Variants in TNFRSF10B observed in about 807,000 individuals in gnomAD.
TNFRSF10B encodes the protein TNF receptor superfamily member 10b, also known as tumor necrosis factor receptor superfamily member 10B.
In TNFRSF10B, 35 loss-of-function variants were observed where a neutral mutation model predicts 41.4. The ratio of observed to expected loss-of-function variants is 0.85; its 90% CI spans 0.65 to 1.12. The LOEUF is 1.12. Ranked by LOEUF, TNFRSF10B falls within the 50% of genes most tolerant of loss-of-function variation. The pLI, the probability that TNFRSF10B is intolerant of heterozygous loss-of-function variation, is 0.00. For missense variants in TNFRSF10B, 584 were observed against 552.7 expected (o/e 1.06, Z -0.57); for synonymous variants, 230 against 215.5 (o/e 1.07, Z -0.59).
Position 23,028,226 on chromosome 8 carries a change from G to A in TNFRSF10B, c.748+105C>T, listed in dbSNP as rs111540075. 440 of 1,512,048 alleles carry A rather than the reference G, an allele frequency of 2.9e-4. 3 individuals are homozygous for A. The African/African-American group carries it at 5.0e-3, about 17-fold the overall frequency. 93.7% of individuals were successfully genotyped at this position (1,512,048 alleles called of 1,614,324 possible). The stretch of plus-strand genomic sequence containing the variant: ...AGGAGGAGGATAGAGCCAGGCTGGA[G>A]GCACTTAGACTTGGGGCAGGGGCAG... On this transcript the variant is annotated intron_variant, in intron 5 of 8. Coordinates refer to ENST00000276431, the MANE Select transcript of TNFRSF10B (RefSeq NM_003842.5).
At position 23,068,882 on chromosome 8, in the gene TNFRSF10B, C is replaced by T; in HGVS notation, c.13G>A (p.Gly5Arg). 6.2e-7 allele frequency: 1 copy of T among 1,613,548 alleles called. No homozygotes were observed. The highest frequency in any genetic ancestry group is 8.5e-7 in the Non-Finnish European group (1 of 1,179,960). The change falls in exon 1 of 9, where the codon GGA becomes AGA. Residue 5 changes from glycine to arginine, a missense_variant. Gly to Arg is a moderately radical substitution (Grantham distance 125). Coordinates refer to ENST00000276431, the MANE Select transcript of TNFRSF10B (RefSeq NM_003842.5). ...CCCGAAGCGGCCGGGGCGTTCTGTCCCCGTTGTTCCATGGCGGTAGGGAAC... is the reference window on the plus strand; with the variant it reads ...CCCGAAGCGGCCGGGGCGTTCTGTCTCCGTTGTTCCATGGCGGTAGGGAAC... MEQRGQNAPAASGAR... is the reference protein window; with the variant it reads MEQRRQNAPAASGAR...
intron 2 of TNFRSF10B, among the ~76,000 whole-genome samples, chr8:23,034,432 CA>C (rs1225626961): frequency 4.0e-4 from 61 of 152,266 alleles, no homozygotes; most frequent in African/African-American, 1.3e-3. Context: ...AATAGTAAAT[CA>C]AAAGCAATAC....
intron 1 of TNFRSF10B, among the ~76,000 whole-genome samples, chr8:23,058,521 T>C (rs1037642324): frequency 1.3e-5 from 2 of 152,150 alleles, no homozygotes; most frequent in Non-Finnish European, 2.9e-5. Flanking sequence ...TTTTCACTCT[T>C]GTTGCCCAGG....
At chr8:23,027,940 G>A (rs1375289287) in intron 5 of TNFRSF10B, 187 bp from the exon 6 acceptor site, 3 of 673,126 alleles carry the variant, frequency 4.5e-6, no homozygotes, top group Non-Finnish European at 7.6e-6. Context: ...AGGGGAACTA[G>A]AGTAAAAACA....
Position 23,021,354 on chromosome 8 carries a change from G to A in TNFRSF10B, c.*1317C>T. On this transcript the variant is annotated 3_prime_UTR_variant, in exon 9 of 9. Coordinates refer to ENST00000276431, the MANE Select transcript of TNFRSF10B (RefSeq NM_003842.5). ...ATCTGTACCCTAAAAGGCAGCTCAT[G>A]GGCTCAGGGTGACAGATAACCAGAA... 1 of 454,106 alleles carries A rather than the reference G, an allele frequency of 2.2e-6. No homozygotes were observed. The highest frequency in any genetic ancestry group is 4.4e-6 in the Non-Finnish European group (1 of 226,794). The allele number at this position is 454,106 out of a possible 1,614,324, so 28.1% of individuals were successfully genotyped here. A position where few individuals can be genotyped will look rare whatever the true frequency, so the allele number is the denominator to read the frequency against.
intron 2 of TNFRSF10B, among the ~76,000 whole-genome samples, chr8:23,040,899 T>C (rs192766555): frequency 3.0e-4 from 45 of 152,302 alleles, no homozygotes; most frequent in African/African-American, 1.0e-3. Context: ...AACGTGATTA[T>C]TTAATAATAG....
At chr8:23,040,717 A>T (rs1812169816) in intron 2 of TNFRSF10B, among the ~76,000 whole-genome samples, 2 of 151,960 alleles carry the variant, frequency 1.3e-5, no homozygotes, top group South Asian at 4.1e-4. Context: ...GAGTGGCAGA[A>T]TGAGTAAAAA....
intron 2 of TNFRSF10B, among the ~76,000 whole-genome samples, chr8:23,038,133 T>C (rs551793291): frequency 1.6e-4 from 25 of 152,336 alleles, no homozygotes; most frequent in Non-Finnish European, 3.1e-4. Flanking sequence ...AAAATTGGAC[T>C]GTTATTCCAC....
chr8:23,024,123 C>T, intron 8 of TNFRSF10B, 65 bp downstream of exon 8: 1 of 1,603,486 alleles, frequency 6.2e-7, no homozygotes, highest in Non-Finnish European at 8.5e-7. Context: ...CCTCTGGGGA[C>T]AGCAGTTAGG....
chr8:23,035,957 C>A lies in TNFRSF10B; in HGVS notation c.251-5085G>T, dbSNP rs1812020348. Reference sequence around the variant, plus strand: ...TTTTCTGTCACTTGGGCCATACGACCCAGCAGACCCAACGGTGCTTGAAGT... The same window carrying A: ...TTTTCTGTCACTTGGGCCATACGACACAGCAGACCCAACGGTGCTTGAAGT... On this transcript the variant is annotated intron_variant, in intron 2 of 8. Transcript: ENST00000276431. Among the ~76,000 whole-genome samples, 3 of 152,194 alleles carry A rather than the reference C, an allele frequency of 2.0e-5. No individual in the cohort carries two copies. The South Asian group carries it at 6.2e-4, about 32-fold the overall frequency.
intron 2 of TNFRSF10B, among the ~76,000 whole-genome samples, chr8:23,038,186 T>G (rs150091958): frequency 2.0e-5 from 3 of 152,232 alleles, no homozygotes; most frequent in Non-Finnish European, 4.4e-5. Flanking sequence ...AGGAGATTCC[T>G]TAGGGCATCT....
intron 1 of TNFRSF10B, among the ~76,000 whole-genome samples, chr8:23,049,004 C>T (rs1812443047): frequency 6.6e-6 from 1 of 152,222 alleles, no homozygotes; most frequent in Non-Finnish European, 1.5e-5. Context: ...CCCATAAGCA[C>T]ATGAAAAGAT....
Position 23,020,699 on chromosome 8 carries a change from TTAAAAA to T in TNFRSF10B, c.*1966_*1971del, listed in dbSNP as rs1425641715. The stretch of plus-strand genomic sequence containing the variant: ...AGAGTGAGATTCTGTCTCAAAAAAA[TTAAAAA>T]TAAAAGAAAAATCTTAAACACTGAT... On this transcript the variant is annotated 3_prime_UTR_variant, in exon 9 of 9. Transcript: ENST00000276431. 13 of 453,366 alleles carry T rather than the reference TTAAAAA, an allele frequency of 2.9e-5. No individual in the cohort carries two copies. Among genetic ancestry groups the T allele is most frequent in the Admixed American group, 7.1e-5 (3 of 42,498 alleles). The allele number at this position is 453,366 out of a possible 1,614,324, so 28.1% of individuals were successfully genotyped here.
Position 23,027,768 on chromosome 8 carries a change from G to C in TNFRSF10B, c.749-15C>G. The C allele has an allele frequency of 6.2e-7, 1 of 1,614,008 alleles. No homozygotes were observed. The highest frequency in any genetic ancestry group is 8.5e-7 in the Non-Finnish European group (1 of 1,179,990). ...CCCACCACCACCTAAAAAAGAAGCA[G>C]TCTCCTTAGCAGGAAGGGAGGGGCC... On this transcript the variant is annotated splice_polypyrimidine_tract_variant and intron_variant, in intron 5 of 8. Coordinates refer to ENST00000276431, the MANE Select transcript of TNFRSF10B (RefSeq NM_003842.5).
chr8:23,055,537 A>AAAAAAAAAAAAAC, intron 1 of TNFRSF10B, among the ~76,000 whole-genome samples: 1 of 151,902 alleles, frequency 6.6e-6, no homozygotes, highest in Non-Finnish European at 1.5e-5. Flanking sequence ...AAAAAAAAAA[A>AAAAAAAAAAAAAC]AAGCCAGTGC....
In TNFRSF10B at chr8:23,037,421, C is replaced by A. The variant is rs1288922669; in HGVS notation, c.250+5717G>T. Among the ~76,000 whole-genome samples the A allele has an allele frequency of 3.3e-5, 5 of 152,310 alleles. No homozygotes were observed. In the East Asian group the frequency reaches 9.6e-4, roughly 29 times the overall value. ...TGGCAGGTTGATTATTACACTGAACCATTTCTATCATGGAGGGGGCAGCAT... is the reference window on the plus strand; with the variant it reads ...TGGCAGGTTGATTATTACACTGAACAATTTCTATCATGGAGGGGGCAGCAT... On this transcript the variant is annotated intron_variant, in intron 2 of 8. Transcript: ENST00000276431.
intron 6 of TNFRSF10B, 60 bp from the exon 7 acceptor site, chr8:23,027,348 T>C: frequency 6.2e-7 from 1 of 1,603,896 alleles, no homozygotes; most frequent in Non-Finnish European, 8.5e-7. Context: ...TAGGGCTCGC[T>C]GCAGGGTCCT....
chr8:23,039,477 A>T (rs1446667916), intron 2 of TNFRSF10B, among the ~76,000 whole-genome samples: 1 of 152,082 alleles, frequency 6.6e-6, no homozygotes, highest in Admixed American at 6.5e-5. Context: ...TCTTTTTTCT[A>T]TTGAGGCTTT....
At chr8:23,032,574 T>G (rs898785319) in intron 2 of TNFRSF10B, among the ~76,000 whole-genome samples, 1 of 152,212 alleles carries the variant, frequency 6.6e-6, no homozygotes, top group Non-Finnish European at 1.5e-5. Context: ...ACCACTGAGA[T>G]TTTGGTAGGG....
Sources: gnomAD v4.1 joint callset for allele counts (sites outside exome capture counted in the v4.1 genomes callset) on GRCh38, gnomAD v4.1.1 for gene constraint, MANE v1.5 for transcripts, NCBI Gene and HGNC (gene_info 2026-07-23, HGNC 2026-07-21) for gene names.